MAML2: variants seen among roughly 807,000 people sequenced by gnomAD.
MAML2 encodes the protein mastermind-like protein 2.
A neutral mutation model predicts 96.1 loss-of-function variants in MAML2; 22 were observed. The ratio of observed to expected loss-of-function variants is 0.23; its 90% CI spans 0.16 to 0.33. MAML2 has a LOEUF of 0.33. Among genes scored for constraint, MAML2 ranks in the 10% least tolerant of loss-of-function variants. The probability of loss-of-function intolerance (pLI) is 1.00; values close to 1 mark genes in which losing one functional copy is unlikely to be tolerated. For synonymous variants in MAML2, 561 were observed against 521.3 expected, an observed-to-expected ratio of 1.08 and a Z score of -1.04; for missense variants, 1,367 against 1,392.4, an observed-to-expected ratio of 0.98 and a Z score of 0.29.
intron 1 of MAML2, among the ~76,000 whole-genome samples, chr11:96,230,344 ATT>A (rs1164403416): frequency 6.6e-6 from 1 of 152,220 alleles, no homozygotes; most frequent in African/African-American, 2.4e-5. Flanking sequence ...ATCTATATAT[ATT>A]TGTACATCTT....
intron 1 of MAML2, among the ~76,000 whole-genome samples, chr11:96,330,347 G>A (rs1353591438): frequency 6.6e-6 from 1 of 152,166 alleles, no homozygotes; most frequent in African/African-American, 2.4e-5. Context: ...TTCATAAACT[G>A]TATTATCTCA....
intron 1 of MAML2, among the ~76,000 whole-genome samples, chr11:96,097,470 C>T (rs1281500920): frequency 6.6e-6 from 1 of 152,062 alleles, no homozygotes; most frequent in African/African-American, 2.4e-5. Flanking sequence ...TGAGGGGCTG[C>T]AGGGCCTGAA....
At chr11:96,337,988 G>T (rs1355010688) in intron 1 of MAML2, among the ~76,000 whole-genome samples, 1 of 152,180 alleles carries the variant, frequency 6.6e-6, no homozygotes, top group East Asian at 1.9e-4. Context: ...TAGGCTCCTT[G>T]TCTGATCTAC....
chr11:96,255,772 T>C (rs1429746870), intron 1 of MAML2, among the ~76,000 whole-genome samples: 2 of 151,932 alleles, frequency 1.3e-5, no homozygotes, highest in Non-Finnish European at 2.9e-5. Context: ...AACCTGGATC[T>C]GTGATGACCT....
intron 2 of MAML2, among the ~76,000 whole-genome samples, chr11:96,078,080 C>A (rs3802765): frequency 0.44 from 67,350 of 151,898 alleles, 16,326 homozygotes; most frequent in African/African-American, 0.64. Flanking sequence ...CTCTCCATTT[C>A]GAACCTGGAG....
intron 1 of MAML2, among the ~76,000 whole-genome samples, chr11:96,287,788 C>G (rs1179614655): frequency 6.6e-6 from 1 of 152,188 alleles, no homozygotes; most frequent in Non-Finnish European, 1.5e-5. Flanking sequence ...TCATAATACT[C>G]TTCTGCTACA....
At chr11:96,183,270 G>A (rs1317151887) in intron 1 of MAML2, among the ~76,000 whole-genome samples, 1 of 151,720 alleles carries the variant, frequency 6.6e-6, no homozygotes, top group African/African-American at 2.4e-5. Context: ...TGAACATCAT[G>A]TCTATACATG....
chr11:96,004,393 T>C (rs1286927348), intron 2 of MAML2, among the ~76,000 whole-genome samples: 1 of 152,160 alleles, frequency 6.6e-6, no homozygotes, highest in Admixed American at 6.5e-5. Context: ...AAAATTGATT[T>C]CCAAAGATGG....
At position 96,240,564 on chromosome 11, in the gene MAML2, A is replaced by C. The variant is rs1288326102; in HGVS notation, c.513+100819T>G. Among the ~76,000 whole-genome samples, 301 of 144,644 alleles carry C rather than the reference A, an allele frequency of 2.1e-3. 6 individuals are homozygous for C. The highest frequency in any genetic ancestry group is 3.6e-3 in the Non-Finnish European group (239 of 65,892). 94.9% of individuals were successfully genotyped at this position (144,644 alleles called of 152,430 possible). Reference sequence around the variant, plus strand: ...CAGAGCGAGACTCCGTCTCAAAAAAAAAAAAAAAAAAAAAAAAAAGAAAGC... The same window carrying C: ...CAGAGCGAGACTCCGTCTCAAAAAACAAAAAAAAAAAAAAAAAAAGAAAGC... On this transcript the variant is annotated intron_variant, in intron 1 of 4. Coordinates refer to ENST00000524717, the MANE Select transcript of MAML2 (RefSeq NM_032427.4).
intron 1 of MAML2, among the ~76,000 whole-genome samples, chr11:96,122,684 A>G (rs572015981): frequency 6.6e-6 from 1 of 152,328 alleles, no homozygotes; most frequent in East Asian, 1.9e-4. Flanking sequence ...CAAGGCAGCA[A>G]ATCAGAATTC....
intron 1 of MAML2, among the ~76,000 whole-genome samples, chr11:96,326,118 C>T (rs1479819156): frequency 1.7e-5 from 2 of 117,144 alleles, no homozygotes; most frequent in Non-Finnish European, 3.3e-5. Flanking sequence ...AAAATGTAAA[C>T]TCCATTAAAC....
intron 1 of MAML2, among the ~76,000 whole-genome samples, chr11:96,106,682 C>T (rs1212487630): frequency 6.6e-6 from 1 of 152,208 alleles, no homozygotes; most frequent in African/African-American, 2.4e-5. Context: ...GAAAATATTA[C>T]TGCTGTTTAT....
chr11:96,228,702 C>T lies in MAML2; in HGVS notation c.513+112681G>A, dbSNP rs191998604. Among the ~76,000 whole-genome samples the T allele has an allele frequency of 2.2e-3, 329 of 152,292 alleles. 2 individuals are homozygous for T. The highest frequency in any genetic ancestry group is 4.0e-3 in the Non-Finnish European group (274 of 68,020). ...CAGACCAGACCAGACAAGCCTCATG[C>T]GCCTGAAGGTCCTGGCTCCTGGACC... On this transcript the variant is annotated intron_variant, in intron 1 of 4. Coordinates refer to ENST00000524717, the MANE Select transcript of MAML2 (RefSeq NM_032427.4).
At chr11:96,209,820 G>A (rs1358962856) in intron 1 of MAML2, among the ~76,000 whole-genome samples, 2 of 152,072 alleles carry the variant, frequency 1.3e-5, no homozygotes, top group Non-Finnish European at 2.9e-5. Flanking sequence ...AAAGAAAGAA[G>A]AAATACAGTT....
intron 1 of MAML2, among the ~76,000 whole-genome samples, chr11:96,274,042 GTTCTTTTTCTTGT>G (rs1160675147): frequency 1.6e-5 from 2 of 126,528 alleles, no homozygotes; most frequent in African/African-American, 2.9e-5. Flanking sequence ...TTTATTCCTA[GTTCTTTTTCTTGT>G]TTCTTTTTCT....
rs76696075 is a variant in MAML2 at position 96,099,639 on chromosome 11, A to T, written c.514-6122T>A. Reference sequence around the variant, plus strand: ...TATTCGTTGACCTCAGTGCCTGGGAAACGGGATCCTTCTAACTATTGAGTG... The same window carrying T: ...TATTCGTTGACCTCAGTGCCTGGGATACGGGATCCTTCTAACTATTGAGTG... On this transcript the variant is annotated intron_variant, in intron 1 of 4. Transcript: ENST00000524717. Among the ~76,000 whole-genome samples the T allele has an allele frequency of 3.5e-4, 54 of 152,268 alleles. 1 individual carries two copies. The East Asian group carries it at 9.3e-3, about 26-fold the overall frequency.
intron 1 of MAML2, among the ~76,000 whole-genome samples, chr11:96,237,756 G>T (rs991492089): frequency 6.6e-6 from 1 of 152,132 alleles, no homozygotes; most frequent in African/African-American, 2.4e-5. Context: ...AATCTTTTAT[G>T]CACGCCTACT....
chr11:96,025,074 T>C (rs1449516346), intron 2 of MAML2, among the ~76,000 whole-genome samples: 1 of 152,144 alleles, frequency 6.6e-6, no homozygotes, highest in African/African-American at 2.4e-5. Flanking sequence ...AAAGCAACCG[T>C]TCCACCAAAA....
chr11:96,159,090 T>G (rs1861056426), intron 1 of MAML2, among the ~76,000 whole-genome samples: 1 of 152,136 alleles, frequency 6.6e-6, no homozygotes, highest in Non-Finnish European at 1.5e-5. Flanking sequence ...AAAGACAAGT[T>G]GTATCAGAAC....
Sources: gnomAD v4.1 joint callset for allele counts (sites outside exome capture counted in the v4.1 genomes callset) on GRCh38, gnomAD v4.1.1 for gene constraint, MANE v1.5 for transcripts, NCBI Gene and HGNC (gene_info 2026-07-23, HGNC 2026-07-21) for gene names.